The following LYZL4 variants were observed in gnomAD, a reference collection of about 807,000 sequenced individuals.
The protein encoded by LYZL4 is lysozyme like 4.
In LYZL4, 13 loss-of-function variants were observed where a neutral mutation model predicts 17.6. The ratio of observed to expected loss-of-function variants is 0.74; its 90% confidence interval spans 0.48 to 1.18. LYZL4 has a LOEUF of 1.18. Among genes scored for constraint, LYZL4 ranks in the 50% most tolerant of loss-of-function variants. The pLI is 0.00. For missense variants in LYZL4, 174 were observed against 188.2 expected (o/e 0.92, Z 0.44); for synonymous variants, 64 against 67.7 (o/e 0.95, Z 0.27).
intron 4 of LYZL4, among the ~76,000 whole-genome samples, chr3:42,397,917 C>A (rs752960736): frequency 6.6e-6 from 1 of 152,188 alleles, no homozygotes; most frequent in Non-Finnish European, 1.5e-5. Context: ...GGTCCCCATG[C>A]CAGCACCCAG....
chr3:42,382,975 C>T, the LYZL4 span, among the ~76,000 whole-genome samples: 2 of 151,926 alleles, frequency 1.3e-5, no homozygotes, highest in African/African-American at 4.8e-5. Flanking sequence ...GAGGGTAAAG[C>T]GAGGCTAAGT....
At chr3:42,386,394 C>A in the LYZL4 span, among the ~76,000 whole-genome samples, 1 of 14,990 alleles carries the variant, frequency 6.7e-5, no homozygotes, top group Non-Finnish European at 1.6e-4. Context: ...TGAGCCACCA[C>A]GCCCCCCCCC....
chr3:42,401,648 A>T (rs918075175), intron 4 of LYZL4, among the ~76,000 whole-genome samples: 1 of 152,244 alleles, frequency 6.6e-6, no homozygotes, highest in African/African-American at 2.4e-5. Flanking sequence ...GAGAGATTAA[A>T]AAAAGACAAT....
At chr3:42,372,407 G>T in the LYZL4 span, among the ~76,000 whole-genome samples, 1 of 152,192 alleles carries the variant, frequency 6.6e-6, no homozygotes. Context: ...TAAGAAAGAG[G>T]GCTGCCAGAG....
Position 42,397,238 on chromosome 3 carries a change from T to A in LYZL4, c.*27A>T. 1 of 1,504,792 alleles carries A rather than the reference T, an allele frequency of 6.6e-7. No homozygotes were observed. Among genetic ancestry groups the A allele is most frequent in the Non-Finnish European group, 9.0e-7 (1 of 1,105,574 alleles). The allele number at this position is 1,504,792 out of a possible 1,614,324, so 93.2% of individuals were successfully genotyped here. A position where few individuals can be genotyped will look rare whatever the true frequency, so the allele number is the denominator to read the frequency against. On this transcript the variant is annotated 3_prime_UTR_variant, in exon 5 of 5. Transcript: ENST00000287748. ...ACCTTCATTCACAAGATGCAACTGG[T>A]GAGTGCTGCAGGGGCCATGCAGGTG... is the stretch of plus-strand genomic sequence containing the variant.
intron 4 of LYZL4, among the ~76,000 whole-genome samples, chr3:42,398,432 T>A (rs1272690800): frequency 1.3e-5 from 2 of 152,190 alleles, no homozygotes; most frequent in African/African-American, 4.8e-5. Context: ...AGCTTCCACA[T>A]TAACTGGAAA....
At chr3:42,387,436 C>T in the LYZL4 span, among the ~76,000 whole-genome samples, 1 of 152,238 alleles carries the variant, frequency 6.6e-6, no homozygotes, top group African/African-American at 2.4e-5. Flanking sequence ...TGTATTGCCT[C>T]TCACAGTAAC....
At chr3:42,376,012 G>A in the LYZL4 span, among the ~76,000 whole-genome samples, 31 of 152,242 alleles carry the variant, frequency 2.0e-4, no homozygotes, top group Admixed American at 1.3e-3. Context: ...GAATGGCACC[G>A]CCTGCCACCC....
chr3:42,400,926 G>C (rs1698641292), intron 4 of LYZL4, among the ~76,000 whole-genome samples: 1 of 152,142 alleles, frequency 6.6e-6, no homozygotes, highest in African/African-American at 2.4e-5. Flanking sequence ...CATTGGTTCA[G>C]CATATCAGAA....
chr3:42,397,067 A>G, downstream of LYZL4: 2 of 500,332 alleles, frequency 4.0e-6, no homozygotes, highest in Non-Finnish European at 7.3e-6. Flanking sequence ...ATCAAAGCAG[A>G]GACCTTTGGC....
At chr3:42,402,888 T>C (rs1398192172) in intron 4 of LYZL4, among the ~76,000 whole-genome samples, 2 of 152,184 alleles carry the variant, frequency 1.3e-5, no homozygotes, top group African/African-American at 4.8e-5. Flanking sequence ...TAACCTGCGG[T>C]GAATCCACAC....
the LYZL4 span, among the ~76,000 whole-genome samples, chr3:42,380,188 C>T: frequency 1.3e-5 from 2 of 152,204 alleles, no homozygotes; most frequent in African/African-American, 4.8e-5. Flanking sequence ...GATCAGTTGT[C>T]CATCCTGGAT....
intron 4 of LYZL4, among the ~76,000 whole-genome samples, 178 bp from the exon 5 acceptor site, chr3:42,397,512 C>T (rs894631112): frequency 6.6e-6 from 1 of 152,218 alleles, no homozygotes; most frequent in Admixed American, 6.5e-5. Context: ...GTCTTCATCA[C>T]ATCCTGGCTT....
At chr3:42,379,850 T>C in the LYZL4 span, among the ~76,000 whole-genome samples, 1 of 152,132 alleles carries the variant, frequency 6.6e-6, no homozygotes, top group Non-Finnish European at 1.5e-5. Context: ...TGGGAGGTAA[T>C]TAGGATTAGA....
At chr3:42,374,591 A>G in the LYZL4 span, among the ~76,000 whole-genome samples, 3 of 152,132 alleles carry the variant, frequency 2.0e-5, no homozygotes, top group East Asian at 1.9e-4. Context: ...TAATATCAAA[A>G]TCAGGATTTC....
downstream of LYZL4, among the ~76,000 whole-genome samples, chr3:42,394,990 G>T (rs1253574046): frequency 1.3e-5 from 2 of 152,174 alleles, no homozygotes; most frequent in Non-Finnish European, 2.9e-5. Context: ...TAAAAAAGTT[G>T]ATCAAAGCTT....
chr3:42,368,501 A>G, the LYZL4 span, among the ~76,000 whole-genome samples: 7 of 152,190 alleles, frequency 4.6e-5, no homozygotes, highest in Admixed American at 3.9e-4. Flanking sequence ...ATGGAATTTT[A>G]TAACCTGCTT....
the LYZL4 span, among the ~76,000 whole-genome samples, chr3:42,360,865 C>T: frequency 6.6e-5 from 10 of 152,034 alleles, no homozygotes; most frequent in Non-Finnish European, 1.0e-4. Flanking sequence ...TTTCTTTTCT[C>T]GTCATATCTG....
At chr3:42,397,462 G>A (rs556765578) in intron 4 of LYZL4, 128 bp from the exon 5 acceptor site, 19 of 634,354 alleles carry the variant, frequency 3.0e-5, no homozygotes, top group South Asian at 7.8e-5. Flanking sequence ...CACCTCTGCC[G>A]TGGGCACGAT....
Sources: allele counts gnomAD v4.1 joint callset (sites outside exome capture counted in the v4.1 genomes callset), GRCh38; gene constraint gnomAD v4.1.1; transcripts MANE v1.5; gene names NCBI Gene and HGNC (gene_info 2026-07-23, HGNC 2026-07-21).